PGM5: variants seen among roughly 807,000 people sequenced by gnomAD.
PGM5 encodes phosphoglucomutase 5.
PGM5 carries 23 observed loss-of-function variants against 59.2 expected under a neutral mutation model. The ratio of observed to expected loss-of-function variants is 0.39; its 90% CI spans 0.28 to 0.55. PGM5 has a LOEUF of 0.55. Among genes scored for constraint, PGM5 ranks in the 20% least tolerant of loss-of-function variants. The pLI is 0.66. For missense variants in PGM5, 574 were observed against 748.3 expected, an observed-to-expected ratio of 0.77 and a Z score of 2.72; for synonymous variants, 214 against 286.0, an observed-to-expected ratio of 0.75 and a Z score of 2.54.
intron 10 of PGM5, among the ~76,000 whole-genome samples, chr9:68,516,717 G>C (rs962835717): frequency 1.3e-5 from 2 of 152,158 alleles, no homozygotes; most frequent in African/African-American, 4.8e-5. Flanking sequence ...AGTTCTCCTT[G>C]CCAAAGTGGG....
chr9:68,510,872 T>C (rs911843547), intron 10 of PGM5, among the ~76,000 whole-genome samples: 51 of 152,316 alleles, frequency 3.3e-4, no homozygotes, highest in Non-Finnish European at 1.2e-4. Flanking sequence ...TTCCAGGTCA[T>C]AGGTGGATTC....
chr9:68,465,044 A>C (rs782277099), intron 6 of PGM5, 49 bp from the exon 7 acceptor site: 8 of 1,246,920 alleles, frequency 6.4e-6, no homozygotes, highest in Admixed American at 5.3e-5. Context: ...AGAAAAAAAA[A>C]CAGAAAATGA....
intron 6 of PGM5, among the ~76,000 whole-genome samples, chr9:68,446,482 C>T (rs1336210920): frequency 2.0e-5 from 3 of 152,152 alleles, no homozygotes; most frequent in Non-Finnish European, 4.4e-5. Context: ...GAGGACTGAT[C>T]CCCTATTTCT....
At chr9:68,422,984 C>T (rs1273426497) in intron 6 of PGM5, among the ~76,000 whole-genome samples, 2 of 152,164 alleles carry the variant, frequency 1.3e-5, no homozygotes, top group Non-Finnish European at 2.9e-5. Flanking sequence ...GTTTGGTTTC[C>T]CATTCCTGAA....
chr9:68,415,931 AGAAAT>A (rs1823022510), intron 6 of PGM5, among the ~76,000 whole-genome samples: 1 of 151,578 alleles, frequency 6.6e-6, no homozygotes, highest in Non-Finnish European at 1.5e-5. Flanking sequence ...CTTTCAGAAT[AGAAAT>A]TATGTTTTCT....
intron 10 of PGM5, among the ~76,000 whole-genome samples, chr9:68,522,185 G>A (rs919526388): frequency 2.0e-5 from 3 of 152,176 alleles, no homozygotes; most frequent in Non-Finnish European, 4.4e-5. Context: ...AACCCAAGAG[G>A]CAAAAGTTGC....
chr9:68,381,423 C>A (rs1460539961), intron 2 of PGM5, among the ~76,000 whole-genome samples: 1 of 151,882 alleles, frequency 6.6e-6, no homozygotes, highest in Non-Finnish European at 1.5e-5. Flanking sequence ...ACATCATAAT[C>A]AATTGGGGAC....
intron 6 of PGM5, among the ~76,000 whole-genome samples, chr9:68,413,431 A>G (rs1190278592): frequency 1.3e-5 from 2 of 152,160 alleles, no homozygotes; most frequent in Non-Finnish European, 2.9e-5. Context: ...ACACGCAAGT[A>G]CTCACCAAAC....
intron 7 of PGM5, among the ~76,000 whole-genome samples, chr9:68,470,950 C>T (rs1824010055): frequency 6.6e-6 from 1 of 152,194 alleles, no homozygotes; most frequent in Non-Finnish European, 1.5e-5. Flanking sequence ...TTGAAACTCC[C>T]TTCTGGGTCC....
At chr9:68,427,770 C>G (rs1361428798) in intron 6 of PGM5, among the ~76,000 whole-genome samples, 1 of 152,184 alleles carries the variant, frequency 6.6e-6, no homozygotes, top group Non-Finnish European at 1.5e-5. Flanking sequence ...GTGTAATTTA[C>G]TTAAGGCTGG....
chr9:68,523,092 G>T (rs933787912), intron 10 of PGM5, among the ~76,000 whole-genome samples: 1 of 152,178 alleles, frequency 6.6e-6, no homozygotes, highest in African/African-American at 2.4e-5. Flanking sequence ...TAGGCTAGGT[G>T]AAGTTTTTGC....
chr9:68,415,799 CTATCTATCT>C (rs1405616718), intron 6 of PGM5, among the ~76,000 whole-genome samples: 1 of 115,354 alleles, frequency 8.7e-6, no homozygotes, highest in African/African-American at 3.0e-5. Flanking sequence ...ATCTATCTAT[CTATCTATCT>C]ATCTATCTTA....
Position 68,499,322 on chromosome 9 carries a change from C to T in PGM5, c.1575C>T (p.Ser525=), listed in dbSNP as rs150786568. ...CCACCCTCAGACTGTACGCAGAGAG[C>T]TACGAGAGGGATCCCAGCGGCCATG... ...VRATLRLYAE[S]YERDPSGHDQ... Residue 525 remains serine, a synonymous_variant, in exon 10 of 11, where the codon AGC becomes AGT. Transcript: ENST00000396396. 564 of 1,614,118 alleles carry T rather than the reference C, an allele frequency of 3.5e-4. 2 individuals are homozygous for T. In the African/African-American group the frequency reaches 6.3e-3, roughly 18 times the overall value.
intron 9 of PGM5, among the ~76,000 whole-genome samples, chr9:68,493,808 G>A (rs1410260274): frequency 6.6e-6 from 1 of 152,194 alleles, no homozygotes; most frequent in African/African-American, 2.4e-5. Flanking sequence ...AATCAAAGAG[G>A]GGGCAAATCC....
At chr9:68,377,785 G>GT (rs1202551292) in intron 1 of PGM5, among the ~76,000 whole-genome samples, 4 of 152,260 alleles carry the variant, frequency 2.6e-5, no homozygotes, top group Non-Finnish European at 2.9e-5. Context: ...CTTGTTCTAA[G>GT]TTACAGGAAG....
chr9:68,511,100 G>A (rs1824742023), intron 10 of PGM5, among the ~76,000 whole-genome samples: 1 of 152,216 alleles, frequency 6.6e-6, no homozygotes, highest in African/African-American at 2.4e-5. Flanking sequence ...AGAAGATCTA[G>A]CAAGGGAAGG....
intron 6 of PGM5, among the ~76,000 whole-genome samples, chr9:68,423,649 C>G (rs536704598): frequency 3.8e-4 from 34 of 88,350 alleles, no homozygotes; most frequent in African/African-American, 1.2e-3. Context: ...CTCTCTCTCT[C>G]TCTCTGTCTC....
At chr9:68,502,175 C>A (rs1388635073) in intron 10 of PGM5, among the ~76,000 whole-genome samples, 2 of 152,188 alleles carry the variant, frequency 1.3e-5, no homozygotes, top group Non-Finnish European at 2.9e-5. Flanking sequence ...ACTCTGTGTC[C>A]TTGGTAAATC....
At chr9:68,376,782 TTTC>T (rs1821901409) in intron 1 of PGM5, among the ~76,000 whole-genome samples, 3 of 92,026 alleles carry the variant, frequency 3.3e-5, no homozygotes, top group African/African-American at 1.3e-4. Context: ...TCTTTCTTTC[TTTC>T]TTTCTTTCTT....
Sources: gnomAD v4.1 joint callset for allele counts (sites outside exome capture counted in the v4.1 genomes callset) on GRCh38, gnomAD v4.1.1 for gene constraint, MANE v1.5 for transcripts, NCBI Gene and HGNC (gene_info 2026-07-23, HGNC 2026-07-21) for gene names.